The following GSTA1 variants were observed in gnomAD, a reference collection of about 807,000 sequenced individuals.
GSTA1 encodes glutathione S-transferase alpha 1.
GSTA1 carries 23 observed loss-of-function variants against 21.5 expected under a neutral mutation model. The ratio of observed to expected loss-of-function variants is 1.07; its 90% confidence interval spans 0.77 to 1.52. GSTA1 has a LOEUF of 1.52. Among genes scored for constraint, GSTA1 ranks in the 40% most tolerant of loss-of-function variants. The pLI is 0.00. For missense variants in GSTA1, 301 were observed against 264.2 expected (o/e 1.14, Z -0.96); for synonymous variants, 125 against 90.0 (o/e 1.39, Z -2.20).
chr6:52,792,674 C>T, intron 6 of GSTA1, 182 bp downstream of exon 6: 1 of 1,490,022 alleles, frequency 6.7e-7, no homozygotes, highest in Non-Finnish European at 9.0e-7. Flanking sequence ...GCACAGATTT[C>T]CTTTCCATAA....
At chr6:52,801,139 C>G (rs563808426) in intron 1 of GSTA1, among the ~76,000 whole-genome samples, 1 of 152,290 alleles carries the variant, frequency 6.6e-6, no homozygotes, top group East Asian at 1.9e-4. Context: ...CCTCAGCCTC[C>G]CGAAGTGCTG....
chr6:52,802,020 G>A (rs1174845546), intron 1 of GSTA1, among the ~76,000 whole-genome samples: 2 of 152,106 alleles, frequency 1.3e-5, no homozygotes, highest in African/African-American at 4.8e-5. Flanking sequence ...CCAAATAAAT[G>A]TTGGAAGGAG....
At chr6:52,793,996 T>TCAC in intron 5 of GSTA1, 129 bp downstream of exon 5, 1 of 1,094,910 alleles carries the variant, frequency 9.1e-7, no homozygotes, top group South Asian at 1.4e-5. Flanking sequence ...GCCTTGAGAG[T>TCAC]CAGAGTGCTG....
At chr6:52,798,154 T>A (rs1367853648) in intron 2 of GSTA1, among the ~76,000 whole-genome samples, 2 of 152,196 alleles carry the variant, frequency 1.3e-5, no homozygotes, top group Non-Finnish European at 2.9e-5. Flanking sequence ...CTTTCACACT[T>A]GCAACTGTAA....
intron 5 of GSTA1, among the ~76,000 whole-genome samples, chr6:52,793,685 T>A (rs867135945): frequency 3.9e-5 from 6 of 152,132 alleles, no homozygotes; most frequent in Admixed American, 6.5e-5. Context: ...AAAATACCCA[T>A]CCCTGAAACG....
At position 52,796,181 on chromosome 6, in the gene GSTA1, C is replaced by T. The variant is rs144833071; in HGVS notation, c.272+1G>A. On this transcript the variant is annotated splice_donor_variant, in intron 4 of 6. Coordinates refer to ENST00000334575, the MANE Select transcript of GSTA1 (RefSeq NM_145740.5). LOFTEE classifies it high-confidence loss of function. ...ATGGAAGAACAGAAAATATACCGTA[C>T]AGGGCTCTCTCCTTTATGTCTTTCC... is the stretch of plus-strand genomic sequence containing the variant. 3.1e-6 allele frequency: 5 copies of T among 1,613,140 alleles called. No homozygotes were observed. In the African/African-American group the frequency reaches 6.7e-5, roughly 22 times the overall value.
chr6:52,800,482 T>C (rs1763689736), intron 1 of GSTA1, among the ~76,000 whole-genome samples: 1 of 152,228 alleles, frequency 6.6e-6, no homozygotes, highest in Non-Finnish European at 1.5e-5. Context: ...GATGAGTTGT[T>C]AGTTTCAGTT....
chr6:52,796,485 A>ATGTG (rs1561912785), intron 3 of GSTA1, among the ~76,000 whole-genome samples, 171 bp from the exon 4 acceptor site: 10 of 4,800 alleles, frequency 2.1e-3, no homozygotes, highest in African/African-American at 0.01. Flanking sequence ...ATATATATAT[A>ATGTG]TATATGTGTG....
intron 1 of GSTA1, among the ~76,000 whole-genome samples, chr6:52,802,202 A>T (rs1311981545): frequency 1.3e-5 from 2 of 152,172 alleles, no homozygotes; most frequent in Non-Finnish European, 2.9e-5. Context: ...AACTTACATC[A>T]ATTAAAAAAT....
At chr6:52,799,042 G>A in intron 2 of GSTA1, 139 bp downstream of exon 2, 1 of 786,592 alleles carries the variant, frequency 1.3e-6, no homozygotes. Context: ...GGTCAAATCT[G>A]TTCATCTTTT....
intron 1 of GSTA1, among the ~76,000 whole-genome samples, chr6:52,799,897 G>A (rs540021952): frequency 6.6e-6 from 1 of 152,112 alleles, no homozygotes; most frequent in Non-Finnish European, 1.5e-5. Flanking sequence ...GGGAGGACCG[G>A]CAGGGAGCTA....
At chr6:52,799,849 C>A (rs1314646055) in intron 1 of GSTA1, among the ~76,000 whole-genome samples, 1 of 152,114 alleles carries the variant, frequency 6.6e-6, no homozygotes, top group Non-Finnish European at 1.5e-5. Context: ...CCCTGGGAAC[C>A]CATGAACTGG....
chr6:52,803,431 A>C (rs1309788894), intron 1 of GSTA1, among the ~76,000 whole-genome samples: 3 of 152,212 alleles, frequency 2.0e-5, no homozygotes, highest in Non-Finnish European at 4.4e-5. Flanking sequence ...TGTGTTGACT[A>C]CTTACACAGA....
intron 1 of GSTA1, among the ~76,000 whole-genome samples, 172 bp downstream of exon 1, chr6:52,803,613 A>G (rs1763766903): frequency 6.6e-6 from 1 of 152,168 alleles, no homozygotes; most frequent in Admixed American, 6.5e-5. Context: ...GATGTATCCA[A>G]CAGAAAAGAA....
intron 3 of GSTA1, among the ~76,000 whole-genome samples, 167 bp from the exon 4 acceptor site, chr6:52,796,481 A>G (rs1293268994): frequency 1.8e-3 from 8 of 4,548 alleles, no homozygotes; most frequent in African/African-American, 0.013. Context: ...ATATATATAT[A>G]TATATATATG....
intron 5 of GSTA1, 110 bp from the exon 6 acceptor site, chr6:52,793,097 C>T: frequency 4.7e-6 from 7 of 1,476,928 alleles, no homozygotes; most frequent in Non-Finnish European, 6.6e-6. Flanking sequence ...TGCCTTACTG[C>T]ATGGGTGCAG....
chr6:52,799,337 G>T (rs1236157681), intron 1 of GSTA1, 40 bp from the exon 2 acceptor site: 23 of 1,357,572 alleles, frequency 1.7e-5, no homozygotes, highest in Admixed American at 2.0e-5. Context: ...TGAAACGATA[G>T]AATCAAAAAT....
intron 1 of GSTA1, among the ~76,000 whole-genome samples, chr6:52,800,078 T>A (rs572348282): frequency 2.6e-5 from 4 of 152,342 alleles, no homozygotes; most frequent in South Asian, 4.1e-4. Flanking sequence ...TGCATTTTGT[T>A]TTATAAGCTG....
intron 4 of GSTA1, among the ~76,000 whole-genome samples, chr6:52,795,271 C>T (rs1763549934): frequency 6.6e-6 from 1 of 152,128 alleles, no homozygotes; most frequent in African/African-American, 2.4e-5. Flanking sequence ...TATGGCTTAA[C>T]TGTCTTATAG....
Sources: allele counts gnomAD v4.1 joint callset (sites outside exome capture counted in the v4.1 genomes callset), GRCh38; gene constraint gnomAD v4.1.1; transcripts MANE v1.5; gene names NCBI Gene and HGNC (gene_info 2026-07-23, HGNC 2026-07-21).